UBE2F: variants seen among roughly 807,000 people sequenced by gnomAD.
UBE2F encodes the protein NEDD8-conjugating enzyme UBE2F.
A neutral mutation model predicts 29.6 loss-of-function variants in UBE2F; 5 were observed. The ratio of observed to expected loss-of-function variants is 0.17; its 90% CI spans 0.09 to 0.36. The LOEUF is 0.36. Among genes scored for constraint, UBE2F ranks in the 10% least tolerant of loss-of-function variants. The pLI is 1.00. For synonymous variants in UBE2F, 66 were observed against 81.8 expected (o/e 0.81, Z 1.04); for missense variants, 141 against 228.5 (o/e 0.62, Z 2.47).
At chr2:238,034,591 A>C (rs1387961761) in intron 8 of UBE2F, among the ~76,000 whole-genome samples, 1 of 152,214 alleles carries the variant, frequency 6.6e-6, no homozygotes, top group Admixed American at 6.5e-5. Context: ...ATAGTAAAGA[A>C]GATAAGAAAT....
At chr2:238,041,150 G>GGT (rs2064830731) in intron 9 of UBE2F, 138 bp from the exon 10 acceptor site, 1 of 764,050 alleles carries the variant, frequency 1.3e-6, no homozygotes, top group Non-Finnish European at 2.2e-6. Flanking sequence ...GACTCCGCAA[G>GGT]GTCCCAGTCC....
At chr2:237,994,337 G>T (rs2063648498) in intron 3 of UBE2F, among the ~76,000 whole-genome samples, 1 of 152,126 alleles carries the variant, frequency 6.6e-6, no homozygotes, top group Non-Finnish European at 1.5e-5. Context: ...TGGTGCTAGG[G>T]CAACAGAGTT....
At chr2:238,027,722 G>A (rs2064465473) in intron 6 of UBE2F, among the ~76,000 whole-genome samples, 1 of 152,220 alleles carries the variant, frequency 6.6e-6, no homozygotes, top group African/African-American at 2.4e-5. Context: ...GCAGCTTTAT[G>A]GTGTGTCCCG....
intron 2 of UBE2F, among the ~76,000 whole-genome samples, chr2:237,979,132 C>T (rs536305331): frequency 1.3e-5 from 2 of 152,286 alleles, no homozygotes; most frequent in African/African-American, 4.8e-5. Context: ...TGGAATTGAG[C>T]CATTTCAGGG....
At chr2:238,027,039 T>C (rs993263264) in intron 6 of UBE2F, among the ~76,000 whole-genome samples, 1 of 152,222 alleles carries the variant, frequency 6.6e-6, no homozygotes, top group Non-Finnish European at 1.5e-5. Context: ...TCTACTTCCC[T>C]GTCTTGTCCC....
At chr2:237,970,849 C>T (rs149837689) in intron 1 of UBE2F, among the ~76,000 whole-genome samples, 2,983 of 152,230 alleles carry the variant, frequency 0.02, 95 homozygotes, top group African/African-American at 0.069. Flanking sequence ...CTGGGATTTA[C>T]AGGCACCCGC....
intron 5 of UBE2F, among the ~76,000 whole-genome samples, chr2:238,022,175 C>CTTTTCTTTTTTTT (rs2064310274): frequency 1.6e-5 from 1 of 63,322 alleles, no homozygotes; most frequent in African/African-American, 4.2e-5. Flanking sequence ...CTTTTCTTTT[C>CTTTTCTTTTTTTT]TTTTTTTTTT....
chr2:238,037,482 G>C (rs949095069), intron 9 of UBE2F, among the ~76,000 whole-genome samples: 1 of 152,278 alleles, frequency 6.6e-6, no homozygotes, highest in Non-Finnish European at 1.5e-5. Context: ...TGGCGTCGAG[G>C]TAGCTCAGCT....
intron 4 of UBE2F, among the ~76,000 whole-genome samples, chr2:238,006,752 CTTTTTTCTT>C (rs1444378239): frequency 2.0e-3 from 182 of 92,012 alleles, no homozygotes; most frequent in Non-Finnish European, 3.0e-3. Context: ...TTCCTTTTTT[CTTTTTTCTT>C]TTTTTTTTTT....
At position 238,035,929 on chromosome 2, in the gene UBE2F, T is replaced by C; in HGVS notation, c.496T>C (p.Leu166=). The C allele has an allele frequency of 6.2e-7, 1 of 1,613,558 alleles. No homozygotes were observed. The highest frequency in any genetic ancestry group is 8.5e-7 in the Non-Finnish European group (1 of 1,179,946). ...PLNIEAAEHH[L]RDKEDFRNKV... ...GAATATTGAAGCTGCAGAACATCAT[T>C]TGCGGGACAAGGTGAGCCAGTAACA... Residue 166 remains leucine (L), a synonymous_variant, in exon 9 of 10, where the codon TTG becomes CTG. Transcript: ENST00000272930.
At chr2:238,027,032 A>G (rs531831609) in intron 6 of UBE2F, among the ~76,000 whole-genome samples, 80 of 152,210 alleles carry the variant, frequency 5.3e-4, no homozygotes, top group Non-Finnish European at 1.0e-3. Context: ...GCCATACTCT[A>G]CTTCCCTGTC....
intron 9 of UBE2F, among the ~76,000 whole-genome samples, chr2:238,037,795 GA>G (rs2064750347): frequency 6.6e-6 from 1 of 152,136 alleles, no homozygotes; most frequent in African/African-American, 2.4e-5. Context: ...TAGTAGTAGA[GA>G]GGGGGTTTTA....
At chr2:238,026,504 G>A (rs144513893) in intron 6 of UBE2F, among the ~76,000 whole-genome samples, 3,114 of 152,164 alleles carry the variant, frequency 0.02, 106 homozygotes, top group African/African-American at 0.072. Flanking sequence ...CGCGATCTGA[G>A]CTCACTGCAA....
chr2:237,967,556 G>A lies in UBE2F; in HGVS notation c.-17+424G>A, dbSNP rs1025551791. The stretch of plus-strand genomic sequence containing the variant: ...AGCGGGGCGTCCAGCGCCTGGCCAA[G>A]GTCACCGGCCCGACGTGGCCGCAGA... On this transcript the variant is annotated intron_variant, in intron 1 of 9. Coordinates refer to ENST00000272930, the MANE Select transcript of UBE2F (RefSeq NM_080678.3). This position sits in a 1 kb window ranked among gnomAD's most constrained non-coding sequence, Gnocchi z 6.3. Among the ~76,000 whole-genome samples, 5 of 152,102 alleles carry A rather than the reference G, an allele frequency of 3.3e-5. No homozygotes were observed. The highest frequency in any genetic ancestry group is 4.4e-5 in the Non-Finnish European group (3 of 67,976).
At chr2:237,983,890 G>C (rs1201855041) in intron 2 of UBE2F, among the ~76,000 whole-genome samples, 4 of 151,866 alleles carry the variant, frequency 2.6e-5, no homozygotes, top group African/African-American at 9.7e-5. Flanking sequence ...CCTGTTCCTT[G>C]GCCGTTGCTT....
Position 237,967,030 on chromosome 2 carries a change from C to T in UBE2F, c.-119C>T. On this transcript the variant is annotated 5_prime_UTR_variant, in exon 1 of 10. Transcript: ENST00000272930. This position sits in a 1 kb window ranked among gnomAD's most constrained non-coding sequence, Gnocchi z 6.3. ...CGCCCCGCCACTTCCGGTCCCGCCG[C>T]CGGGAGCCGGTGCGGCTGTGAGGGG... 7.8e-7 allele frequency: 1 copy of T among 1,282,886 alleles called. No individual in the cohort carries two copies. The highest frequency in any genetic ancestry group is 9.9e-7 in the Non-Finnish European group (1 of 1,011,704). The allele number at this position is 1,282,886 out of a possible 1,614,324, so 79.5% of individuals were successfully genotyped here. A position where few individuals can be genotyped will look rare whatever the true frequency, so the allele number is the denominator to read the frequency against.
intron 4 of UBE2F, among the ~76,000 whole-genome samples, chr2:238,000,543 G>A (rs1385164732): frequency 6.6e-6 from 1 of 152,206 alleles, no homozygotes; most frequent in Non-Finnish European, 1.5e-5. Flanking sequence ...ACGCATACCA[G>A]TTTATTTACC....
intron 1 of UBE2F, among the ~76,000 whole-genome samples, chr2:237,972,007 G>A (rs911311705): frequency 2.6e-5 from 4 of 152,190 alleles, no homozygotes; most frequent in African/African-American, 9.7e-5. Context: ...ATAGCAAGGG[G>A]CATCACCTGT....
chr2:237,977,056 A>T (rs1334863150), intron 2 of UBE2F, among the ~76,000 whole-genome samples: 1 of 152,200 alleles, frequency 6.6e-6, no homozygotes, highest in Non-Finnish European at 1.5e-5. Flanking sequence ...TGCCCTGCTC[A>T]GGAACTCACC....
Sources: allele counts gnomAD v4.1 joint callset (sites outside exome capture counted in the v4.1 genomes callset), GRCh38; gene constraint gnomAD v4.1.1; non-coding constraint Gnocchi (gnomAD v3.1); transcripts MANE v1.5; gene names NCBI Gene and HGNC (gene_info 2026-07-23, HGNC 2026-07-21).